The following MAST2 variants were observed in gnomAD, a reference collection of about 807,000 sequenced individuals.
MAST2 encodes microtubule associated serine/threonine kinase 2.
In MAST2, 70 loss-of-function variants were observed where a neutral mutation model predicts 147.4. The observed-to-expected ratio is 0.47, with a 90% CI of 0.39 to 0.58. The LOEUF (loss-of-function observed/expected upper bound fraction) is 0.58, where lower values mean the gene tolerates loss of function less well. MAST2 is among the 20% of genes least tolerant of loss of function. The pLI is 0.00. For synonymous variants in MAST2, 869 were observed against 896.8 expected (o/e 0.97, Z 0.55); for missense variants, 2,080 against 2,302.3 (o/e 0.90, Z 1.98).
At chr1:45,885,211 A>G (rs1484301716) in intron 4 of MAST2, among the ~76,000 whole-genome samples, 1 of 152,240 alleles carries the variant, frequency 6.6e-6, no homozygotes, top group East Asian at 1.9e-4. Flanking sequence ...GGGGCATCAT[A>G]TTTGTGTCCC....
rs775433932 is a variant in MAST2 at position 46,031,393 on chromosome 1, A to C, written c.2995A>C (p.Met999Leu). Residue 999 changes from methionine to leucine, a missense_variant and splice_region_variant, in exon 24 of 29, where the codon ATG becomes CTG. By Grantham distance (15) the Met-to-Leu change is conservative. Coordinates refer to ENST00000361297, the MANE Select transcript of MAST2 (RefSeq NM_015112.3). The surrounding 1 kb of genome is among the most constrained non-coding windows in gnomAD (Gnocchi z 4.1). The stretch of plus-strand genomic sequence containing the variant: ...TCACTGCTTACTTGGGCCTACAGCT[A>C]TGGAGACCCGAGGCCGTGGGACCTC... ...VGRSSGSSPA[M>L]ETRGRGTSQL... 1 of 1,611,602 alleles carries C rather than the reference A, an allele frequency of 6.2e-7. No homozygotes were observed. The highest frequency in any genetic ancestry group is 2.2e-5 in the East Asian group (1 of 44,838).
rs374315635 is a variant in MAST2 at position 46,031,294 on chromosome 1, T to C, written c.2992+4T>C. 9 of 1,541,070 alleles carry C rather than the reference T, an allele frequency of 5.8e-6. No individual in the cohort carries two copies. The highest frequency in any genetic ancestry group is 2.5e-5 in the South Asian group (2 of 80,472). ...CGGAGCAGTGGTTCCAGTCCAGGTATGGCCCAGTGGGCGGCCAAACGACCT... is the reference window on the plus strand; with the variant it reads ...CGGAGCAGTGGTTCCAGTCCAGGTACGGCCCAGTGGGCGGCCAAACGACCT... On this transcript the variant is annotated splice_donor_region_variant and intron_variant, in intron 23 of 28. Transcript: ENST00000361297. The surrounding 1 kb of genome is among the most constrained non-coding windows in gnomAD (Gnocchi z 4.1).
At chr1:45,921,240 C>T (rs1653421674) in intron 4 of MAST2, among the ~76,000 whole-genome samples, 1 of 152,192 alleles carries the variant, frequency 6.6e-6, no homozygotes, top group South Asian at 2.1e-4. Flanking sequence ...GTGATTCACC[C>T]ACCTCGGACT....
At chr1:45,894,559 A>T (rs1648412008) in intron 4 of MAST2, among the ~76,000 whole-genome samples, 1 of 152,216 alleles carries the variant, frequency 6.6e-6, no homozygotes, top group Non-Finnish European at 1.5e-5. Context: ...ATAGCAAAAG[A>T]ATATACTTTA....
chr1:45,837,924 G>C (rs568420534), intron 3 of MAST2, among the ~76,000 whole-genome samples: 1 of 152,022 alleles, frequency 6.6e-6, no homozygotes. Flanking sequence ...AATTACAGGC[G>C]CACGCCACCA....
intron 4 of MAST2, among the ~76,000 whole-genome samples, chr1:45,934,740 T>C (rs189272395): frequency 2.6e-5 from 4 of 152,332 alleles, no homozygotes; most frequent in Admixed American, 2.6e-4. Context: ...TTCTTTTTAA[T>C]GGCTCTGTAG....
intron 5 of MAST2, among the ~76,000 whole-genome samples, chr1:45,976,125 C>T (rs1011696096): frequency 1.3e-5 from 2 of 152,146 alleles, no homozygotes; most frequent in African/African-American, 4.8e-5. Flanking sequence ...CAGGTGTGCA[C>T]CACCACACCC....
At chr1:45,987,882 C>A (rs989836121) in intron 5 of MAST2, among the ~76,000 whole-genome samples, 7 of 147,772 alleles carry the variant, frequency 4.7e-5, no homozygotes, top group African/African-American at 1.8e-4. Context: ...GGTGGTCCTC[C>A]CACCTTGGTC....
chr1:45,922,816 A>G (rs893323005), intron 4 of MAST2, among the ~76,000 whole-genome samples: 1 of 152,058 alleles, frequency 6.6e-6, no homozygotes, highest in Non-Finnish European at 1.5e-5. Flanking sequence ...ATGCAGCCCC[A>G]GCTCCATCTC....
intron 4 of MAST2, among the ~76,000 whole-genome samples, chr1:45,926,140 G>T (rs1345159499): frequency 1.3e-5 from 2 of 152,176 alleles, no homozygotes; most frequent in Non-Finnish European, 2.9e-5. Context: ...TCCTGGCCCT[G>T]CTGCATAGTG....
intron 5 of MAST2, among the ~76,000 whole-genome samples, chr1:45,972,991 G>A (rs143292856): frequency 6.6e-6 from 1 of 152,170 alleles, no homozygotes; most frequent in East Asian, 1.9e-4. Flanking sequence ...TATTTTCACT[G>A]TCTTCTCCCT....
chr1:46,005,144 C>T (rs1030086666), intron 7 of MAST2, among the ~76,000 whole-genome samples: 1 of 152,188 alleles, frequency 6.6e-6, no homozygotes, highest in Non-Finnish European at 1.5e-5. Flanking sequence ...GGGCAGATCA[C>T]CTGAGGTCGG....
intron 4 of MAST2, among the ~76,000 whole-genome samples, chr1:45,925,657 T>C (rs1654247428): frequency 6.6e-6 from 1 of 152,220 alleles, no homozygotes; most frequent in African/African-American, 2.4e-5. Context: ...TGAATTGCCA[T>C]AGACTTTGTC....
chr1:45,859,646 AG>A (rs1645911890), intron 3 of MAST2, among the ~76,000 whole-genome samples: 1 of 152,230 alleles, frequency 6.6e-6, no homozygotes, highest in Non-Finnish European at 1.5e-5. Context: ...TACCATGTAA[AG>A]AACCTTATAG....
In MAST2 at chr1:45,814,048, T is replaced by C. The variant is rs773182939; in HGVS notation, c.177+9976T>C. On this transcript the variant is annotated intron_variant, in intron 1 of 28. Transcript: ENST00000361297. Reference sequence around the variant, plus strand: ...GCAACACATTACATGTTCATGGTAATGCCTGTGTAAAACCTACTGCACTGC... The same window carrying C: ...GCAACACATTACATGTTCATGGTAACGCCTGTGTAAAACCTACTGCACTGC... 3.3e-4 allele frequency among the ~76,000 whole-genome samples: 51 copies of C among 152,356 alleles called. 1 individual carries two copies. Among genetic ancestry groups the C allele is most frequent in the Non-Finnish European group, 2.2e-4 (15 of 68,034 alleles).
chr1:45,866,414 T>G (rs1646153730), intron 3 of MAST2, among the ~76,000 whole-genome samples: 2 of 152,236 alleles, frequency 1.3e-5, no homozygotes, highest in Non-Finnish European at 2.9e-5. Context: ...TGATGTATGT[T>G]CAAGCAGCTG....
Position 46,035,199 on chromosome 1 carries a change from A to G in MAST2, c.4530A>G (p.Glu1510=). The G allele has an allele frequency of 1.2e-5, 20 of 1,614,040 alleles. No individual in the cohort carries two copies. Among genetic ancestry groups the G allele is most frequent in the Non-Finnish European group, 1.7e-5 (20 of 1,180,016 alleles). The part of the protein sequence containing the change: ...EVDSSEDDTE[E]GPENSQGAQE... ...ACTCCTCAGAGGACGACACCGAGGA[A>G]GGGCCTGAGAACAGCCAGGGTGCAC... The change falls in exon 29 of 29, where the codon GAA becomes GAG. Residue 1510 remains glutamate, a synonymous_variant. Coordinates refer to ENST00000361297, the MANE Select transcript of MAST2 (RefSeq NM_015112.3). The surrounding 1 kb of genome is among the most constrained non-coding windows in gnomAD (Gnocchi z 5.5).
chr1:46,003,811 T>C (rs1025039578), intron 7 of MAST2, among the ~76,000 whole-genome samples: 92 of 152,162 alleles, frequency 6.0e-4, no homozygotes, highest in African/African-American at 2.0e-3. Flanking sequence ...TGGCCAACTT[T>C]TTCTGTAAAG....
chr1:45,885,941 G>A (rs1053307488), intron 4 of MAST2, among the ~76,000 whole-genome samples: 1 of 152,014 alleles, frequency 6.6e-6, no homozygotes. Context: ...GTTTCTGTGG[G>A]GGTGAGGGTT....
Sources: allele counts gnomAD v4.1 joint callset (sites outside exome capture counted in the v4.1 genomes callset), GRCh38; gene constraint gnomAD v4.1.1; non-coding constraint Gnocchi (gnomAD v3.1); transcripts MANE v1.5; gene names NCBI Gene and HGNC (gene_info 2026-07-23, HGNC 2026-07-21).